Variants in CACNA1D observed in about 807,000 individuals in gnomAD.
The protein encoded by CACNA1D is voltage-dependent L-type calcium channel subunit alpha-1D.
CACNA1D carries 55 observed loss-of-function variants against 257.1 expected under a neutral mutation model. That is an observed-to-expected ratio of 0.21 (90% confidence interval 0.17 to 0.27). CACNA1D has a LOEUF of 0.27. Among genes scored for constraint, CACNA1D ranks in the 10% least tolerant of loss-of-function variants. The probability of loss-of-function intolerance (pLI) is 1.00; values close to 1 mark genes in which losing one functional copy is unlikely to be tolerated. For synonymous variants in CACNA1D, 980 were observed against 1,014.9 expected, an observed-to-expected ratio of 0.97 and a Z score of 0.65; for missense variants, 1,876 against 2,784.0, an observed-to-expected ratio of 0.67 and a Z score of 7.34.
intron 3 of CACNA1D, among the ~76,000 whole-genome samples, chr3:53,597,960 A>G (rs1166118477): frequency 6.6e-6 from 1 of 152,188 alleles, no homozygotes; most frequent in Non-Finnish European, 1.5e-5. Context: ...CGCCTACCTG[A>G]TATTTTTATG....
At chr3:53,570,697 C>T (rs2092927474) in intron 3 of CACNA1D, among the ~76,000 whole-genome samples, 1 of 152,262 alleles carries the variant, frequency 6.6e-6, no homozygotes, top group African/African-American at 2.4e-5. Context: ...GACTCTCTCA[C>T]ACTGTTAAAT....
chr3:53,745,862 C>G lies in CACNA1D; in HGVS notation c.3154C>G (p.Pro1052Ala), dbSNP rs771135764. ...CTGTACGGATGAAGCCAAAAGTAAC[C>G]CTGAAGAATGCAGGTGAGCGTCCTG... is the stretch of plus-strand genomic sequence containing the variant. Reference protein sequence around the residue: ...YRCTDEAKSNPEECRGLFILY... With the variant: ...YRCTDEAKSNAEECRGLFILY... The change falls in exon 25 of 48, where the codon CCT becomes GCT. Residue 1052 changes from proline to alanine, a missense_variant. Pro to Ala is a conservative substitution (Grantham distance 27, BLOSUM62 -1). Coordinates refer to ENST00000350061, the MANE Select transcript of CACNA1D (RefSeq NM_001128840.3). 3 of 1,613,424 alleles carry G rather than the reference C, an allele frequency of 1.9e-6. No individual in the cohort carries two copies. The highest frequency in any genetic ancestry group is 2.5e-6 in the Non-Finnish European group (3 of 1,179,430).
At chr3:53,590,671 G>A (rs1371366592) in intron 3 of CACNA1D, among the ~76,000 whole-genome samples, 1 of 152,124 alleles carries the variant, frequency 6.6e-6, no homozygotes, top group African/African-American at 2.4e-5. Context: ...ATTAGCTTTG[G>A]GCCAGATTCC....
intron 3 of CACNA1D, among the ~76,000 whole-genome samples, chr3:53,647,789 G>T (rs950114321): frequency 6.6e-6 from 1 of 152,176 alleles, no homozygotes; most frequent in African/African-American, 2.4e-5. Flanking sequence ...GATGACATTG[G>T]CTTCTAGACA....
chr3:53,714,099 A>G lies in CACNA1D; in HGVS notation c.1391-4202A>G, dbSNP rs188520378. On this transcript the variant is annotated intron_variant, in intron 9 of 47. Transcript: ENST00000350061. ...GGTTTTTCCCAGACTCACTGAAAGTAGTTTTTAAATTTATATAAAAAATAA... is the reference window on the plus strand; with the variant it reads ...GGTTTTTCCCAGACTCACTGAAAGTGGTTTTTAAATTTATATAAAAAATAA... 1.2e-3 allele frequency among the ~76,000 whole-genome samples: 189 copies of G among 151,952 alleles called. 2 individuals are homozygous for G. The highest frequency in any genetic ancestry group is 2.0e-3 in the Non-Finnish European group (138 of 67,976).
rs748092684 is a variant in CACNA1D, at chr3:53,723,684, A to C, written c.1892+25A>C. 2.4e-5 allele frequency: 38 copies of C among 1,608,250 alleles called. No individual in the cohort carries two copies. In the South Asian group the frequency reaches 4.1e-4, roughly 17 times the overall value. Reference sequence around the variant, plus strand: ...GGTAAGGAAATGTGGGTCCCACTGCAAATGTTTTATGAACATGAGGCGGCA... The same window carrying C: ...GGTAAGGAAATGTGGGTCCCACTGCCAATGTTTTATGAACATGAGGCGGCA... On this transcript the variant is annotated intron_variant, in intron 13 of 47. Transcript: ENST00000350061. This position sits in a 1 kb window ranked among gnomAD's most constrained non-coding sequence, Gnocchi z 5.6.
At chr3:53,720,320 A>C (rs1468235326) in intron 11 of CACNA1D, among the ~76,000 whole-genome samples, 1 of 152,262 alleles carries the variant, frequency 6.6e-6, no homozygotes, top group Non-Finnish European at 1.5e-5. Flanking sequence ...TTCCAGAAAG[A>C]AAACAGGAGA....
chr3:53,517,270 C>G (rs2091377624), intron 3 of CACNA1D, among the ~76,000 whole-genome samples: 1 of 151,374 alleles, frequency 6.6e-6, no homozygotes, highest in South Asian at 2.1e-4. Flanking sequence ...CTCCATCTCT[C>G]CATGATGCCA....
chr3:53,663,667 G>GT (rs1251913941), intron 5 of CACNA1D, among the ~76,000 whole-genome samples: 1 of 152,136 alleles, frequency 6.6e-6, no homozygotes, highest in Non-Finnish European at 1.5e-5. Context: ...CGTAATTGCG[G>GT]TTTTTGCCAT....
At chr3:53,679,928 G>T (rs1419734534) in intron 8 of CACNA1D, among the ~76,000 whole-genome samples, 1 of 152,132 alleles carries the variant, frequency 6.6e-6, no homozygotes, top group Non-Finnish European at 1.5e-5. Context: ...CTCTGATTTG[G>T]CTTTAAATGA....
chr3:53,797,902 G>A (rs142962767), intron 40 of CACNA1D: 103 of 152,252 alleles, frequency 6.8e-4, no homozygotes, highest in African/African-American at 2.4e-3. Flanking sequence ...TTTACTTGGG[G>A]GTGTTGACTT....
intron 25 of CACNA1D, among the ~76,000 whole-genome samples, chr3:53,747,050 G>A (rs903809837): frequency 3.3e-5 from 5 of 152,144 alleles, no homozygotes; most frequent in South Asian, 2.1e-4. Context: ...ACGTATGCCC[G>A]GTGTCTGGGT....
In CACNA1D at chr3:53,780,152, C is replaced by A. The variant is rs747928616; in HGVS notation, c.4690+24C>A. On this transcript the variant is annotated intron_variant, in intron 38 of 47. Coordinates refer to ENST00000350061, the MANE Select transcript of CACNA1D (RefSeq NM_001128840.3). ...AGGTGAGCATTCCCTGCCAGCAAGA[C>A]AAGATGGCAGGAAAGGAGAGAGACA... The A allele has an allele frequency of 6.5e-6, 10 of 1,548,106 alleles. No homozygotes were observed. The South Asian group carries it at 8.9e-5, about 14-fold the overall frequency.
rs768170857 is a variant in CACNA1D at position 53,650,955 on chromosome 3, A to G, written c.623+37A>G. The G allele has an allele frequency of 7.5e-6, 12 of 1,591,584 alleles. No homozygotes were observed. The African/African-American group carries it at 1.6e-4, about 21-fold the overall frequency. ...TTACTTTGGGGAAATGTTGATTTGG[A>G]AAATGGGAGGTGGAGGTTGGGGGGG... On this transcript the variant is annotated intron_variant, in intron 4 of 47. Transcript: ENST00000350061.
chr3:53,560,264 T>C (rs1287728257), intron 3 of CACNA1D, among the ~76,000 whole-genome samples: 2 of 152,152 alleles, frequency 1.3e-5, no homozygotes, highest in Non-Finnish European at 2.9e-5. Flanking sequence ...AATCTATTTG[T>C]TGTTATTTAC....
chr3:53,795,243 A>G (rs1403589679), intron 40 of CACNA1D, among the ~76,000 whole-genome samples: 1 of 152,228 alleles, frequency 6.6e-6, no homozygotes, highest in Non-Finnish European at 1.5e-5. Flanking sequence ...ACTTTTGATC[A>G]TTTGTCATCT....
chr3:53,717,863 A>G (rs1398454832), intron 9 of CACNA1D, among the ~76,000 whole-genome samples: 1 of 152,114 alleles, frequency 6.6e-6, no homozygotes, highest in Non-Finnish European at 1.5e-5. Context: ...TATATTTAAG[A>G]TGATTGACTC....
At chr3:53,605,796 A>G (rs1231437610) in intron 3 of CACNA1D, among the ~76,000 whole-genome samples, 1 of 152,226 alleles carries the variant, frequency 6.6e-6, no homozygotes, top group Non-Finnish European at 1.5e-5. Context: ...AGATCAGTAA[A>G]GGTGGAGATA....
chr3:53,573,091 A>G (rs2092976181), intron 3 of CACNA1D, among the ~76,000 whole-genome samples: 1 of 152,206 alleles, frequency 6.6e-6, no homozygotes, highest in African/African-American at 2.4e-5. Flanking sequence ...ATTAGTTTGT[A>G]GCTTAGATGT....
Sources: gnomAD v4.1 joint callset for allele counts (sites outside exome capture counted in the v4.1 genomes callset) on GRCh38, gnomAD v4.1.1 for gene constraint, Gnocchi (gnomAD v3.1) non-coding constraint, MANE v1.5 for transcripts, NCBI Gene and HGNC (gene_info 2026-07-23, HGNC 2026-07-21) for gene names.